The following ITGA11 variants were observed in gnomAD, a reference collection of about 807,000 sequenced individuals.
The protein encoded by ITGA11 is integrin alpha-11.
A neutral mutation model predicts 141.9 loss-of-function variants in ITGA11; 97 were observed. That is an observed-to-expected ratio of 0.68 (90% CI 0.58 to 0.81). The LOEUF is 0.81. ITGA11 is among the 30% of genes least tolerant of loss of function. The pLI, the probability that ITGA11 is intolerant of heterozygous loss-of-function variation, is 0.00. For missense variants in ITGA11, 1,387 were observed against 1,559.2 expected (o/e 0.89, Z 1.86); for synonymous variants, 658 against 624.6 (o/e 1.05, Z -0.80).
Position 68,351,402 on chromosome 15 carries a change from G to C in ITGA11, c.750C>G (p.Arg250=), listed in dbSNP as rs75281777. The C allele has an allele frequency of 7.2e-3, 11,655 of 1,613,706 alleles. 45 individuals carry two copies. Among genetic ancestry groups the C allele is most frequent in the Non-Finnish European group, 8.4e-3 (9,927 of 1,179,796 alleles). ...TRTAFGIEFA[R]SEAFQKGGRK... ...TTCCACCCTTCTGGAAAGCCTCTGA[G>C]CTGGAAGCCAAGCACAGGGGCAGGG... The change falls in exon 8 of 30, where the codon CGC becomes CGG. Residue 250 remains arginine, a splice_region_variant and synonymous_variant. Transcript: ENST00000315757.
At chr15:68,381,901 A>C (rs538573247) in intron 2 of ITGA11, among the ~76,000 whole-genome samples, 19 of 152,162 alleles carry the variant, frequency 1.2e-4, no homozygotes, top group Non-Finnish European at 2.6e-4. Flanking sequence ...AGAGAGGCGA[A>C]GTCACCCAGC....
intron 15 of ITGA11, among the ~76,000 whole-genome samples, chr15:68,330,551 T>C (rs574190068): frequency 6.6e-6 from 1 of 150,538 alleles, no homozygotes; most frequent in Non-Finnish European, 1.5e-5. Context: ...TTAGGAAGCA[T>C]GAAAATGAGG....
At chr15:68,382,259 C>T (rs1251592830) in intron 2 of ITGA11, among the ~76,000 whole-genome samples, 2 of 152,066 alleles carry the variant, frequency 1.3e-5, no homozygotes, top group Non-Finnish European at 2.9e-5. Context: ...ATCATTGGCT[C>T]GGCAGTTGGA....
intron 20 of ITGA11, among the ~76,000 whole-genome samples, chr15:68,318,533 T>C (rs1331906698): frequency 3.3e-5 from 5 of 151,754 alleles, no homozygotes; most frequent in African/African-American, 7.3e-5. Context: ...GGGAGTGGGA[T>C]TGGGGCCCAG....
Position 68,313,708 on chromosome 15 carries a change from C to T in ITGA11, c.2882+71G>A, listed in dbSNP as rs563717210. The stretch of plus-strand genomic sequence containing the variant: ...CCCTATTAGGGCCCATCAGAGGATG[C>T]CCCCCCTTAGGCCTCCCTCCTCCCA... On this transcript the variant is annotated intron_variant, in intron 23 of 29. Transcript: ENST00000315757. The T allele has an allele frequency of 1.4e-5, 16 of 1,174,692 alleles. No homozygotes were observed. The East Asian group carries it at 2.9e-4, about 22-fold the overall frequency. The allele number at this position is 1,174,692 out of a possible 1,614,324, so 72.8% of individuals were successfully genotyped here. A position where few individuals can be genotyped will look rare whatever the true frequency, so the allele number is the denominator to read the frequency against.
chr15:68,316,519 G>A (rs1290032431), intron 21 of ITGA11, among the ~76,000 whole-genome samples: 1 of 152,206 alleles, frequency 6.6e-6, no homozygotes, highest in East Asian at 1.9e-4. Context: ...CCACTCCAGA[G>A]CTCCTGGGTT....
intron 2 of ITGA11, among the ~76,000 whole-genome samples, chr15:68,388,718 T>G (rs1395919236): frequency 1.3e-5 from 2 of 152,184 alleles, no homozygotes; most frequent in Non-Finnish European, 1.5e-5. Context: ...TTTGCTCACC[T>G]AGACTTCTAC....
intron 1 of ITGA11, among the ~76,000 whole-genome samples, chr15:68,410,617 T>C (rs559333120): frequency 1.3e-5 from 2 of 152,244 alleles, no homozygotes; most frequent in Non-Finnish European, 2.9e-5. Flanking sequence ...CTGCCCCTTT[T>C]GCCCTGGCGA....
At chr15:68,313,474 T>C (rs1893462804) in intron 23 of ITGA11, among the ~76,000 whole-genome samples, 1 of 152,202 alleles carries the variant, frequency 6.6e-6, no homozygotes, top group African/African-American at 2.4e-5. Flanking sequence ...AGACCATGCA[T>C]CCACTTGTTG....
At position 68,339,494 on chromosome 15, in the gene ITGA11, T is replaced by A; in HGVS notation, c.1276+6A>T. 1.9e-6 allele frequency: 3 copies of A among 1,611,486 alleles called. 1 individual carries two copies. The highest frequency in any genetic ancestry group is 1.1e-5 in the South Asian group (1 of 90,492). ...CCGCCAGCCTCCCCTCACTCTGCGC[T>A]CTTACCCAGGTATGCACCATGGTTC... On this transcript the variant is annotated splice_donor_region_variant and intron_variant, in intron 11 of 29. Transcript: ENST00000315757.
At chr15:68,387,120 T>C (rs187396601) in intron 2 of ITGA11, among the ~76,000 whole-genome samples, 3 of 151,444 alleles carry the variant, frequency 2.0e-5, no homozygotes, top group African/African-American at 7.3e-5. Context: ...GGAACAGGGA[T>C]GGAAAAGTAG....
In ITGA11 at chr15:68,410,529, G is replaced by C. The variant is rs1317853841; in HGVS notation, c.53-7500C>G. 2.0e-5 allele frequency among the ~76,000 whole-genome samples: 3 copies of C among 151,050 alleles called. No individual in the cohort carries two copies. In the East Asian group the frequency reaches 5.8e-4, roughly 29 times the overall value. On this transcript the variant is annotated intron_variant, in intron 1 of 29. Transcript: ENST00000315757. Reference sequence around the variant, plus strand: ...GCAAAGTGAACCTCTTGCTGCTATGGGGGAAAAAAAACAACCCATTCAAAA... The same window carrying C: ...GCAAAGTGAACCTCTTGCTGCTATGCGGGAAAAAAAACAACCCATTCAAAA...
chr15:68,380,699 C>T (rs766798301), intron 2 of ITGA11, among the ~76,000 whole-genome samples: 3 of 152,124 alleles, frequency 2.0e-5, no homozygotes, highest in Non-Finnish European at 2.9e-5. Flanking sequence ...CGCATGGTGC[C>T]GGCGCTCATG....
intron 1 of ITGA11, among the ~76,000 whole-genome samples, chr15:68,415,034 C>T (rs757752660): frequency 6.6e-6 from 1 of 152,110 alleles, no homozygotes; most frequent in African/African-American, 2.4e-5. Flanking sequence ...TGCAAAAGAC[C>T]CCCCTGTTTT....
intron 15 of ITGA11, among the ~76,000 whole-genome samples, chr15:68,330,685 T>C (rs1894128006): frequency 6.6e-6 from 1 of 152,140 alleles, no homozygotes; most frequent in African/African-American, 2.4e-5. Flanking sequence ...CACGCTCAAC[T>C]TGCCCCTGCG....
At chr15:68,403,460 C>G (rs1054330651) in intron 1 of ITGA11, among the ~76,000 whole-genome samples, 10 of 152,028 alleles carry the variant, frequency 6.6e-5, no homozygotes, top group African/African-American at 1.9e-4. Flanking sequence ...GGGCCTCCCC[C>G]CTCTCTTTCT....
In ITGA11 at chr15:68,326,648, G is replaced by A. The variant is rs1473040044; in HGVS notation, c.2211+6C>T. 1 of 1,585,204 alleles carries A rather than the reference G, an allele frequency of 6.3e-7. No homozygotes were observed. Among genetic ancestry groups the A allele is most frequent in the South Asian group, 1.2e-5 (1 of 86,072 alleles). On this transcript the variant is annotated splice_donor_region_variant and intron_variant, in intron 17 of 29. Transcript: ENST00000315757. This position sits in a 1 kb window ranked among gnomAD's most constrained non-coding sequence, Gnocchi z 6.8. ...TTGGGCTCTGCTGGTGGGGCTGCCA[G>A]CTTACCAGGACATGGAAGTTGATCC... is the stretch of plus-strand genomic sequence containing the variant.
intron 2 of ITGA11, among the ~76,000 whole-genome samples, chr15:68,376,520 T>A (rs1895733329): frequency 6.6e-6 from 1 of 152,270 alleles, no homozygotes; most frequent in Non-Finnish European, 1.5e-5. Context: ...CAGAACAGCA[T>A]CTGGCACAGA....
intron 2 of ITGA11, among the ~76,000 whole-genome samples, chr15:68,377,130 G>A (rs878980840): frequency 6.6e-6 from 1 of 151,870 alleles, no homozygotes; most frequent in Non-Finnish European, 1.5e-5. Context: ...TACTTCTTTC[G>A]GTCATAAGAA....
Sources: allele counts gnomAD v4.1 joint callset (sites outside exome capture counted in the v4.1 genomes callset), GRCh38; gene constraint gnomAD v4.1.1; non-coding constraint Gnocchi (gnomAD v3.1); transcripts MANE v1.5; gene names NCBI Gene and HGNC (gene_info 2026-07-23, HGNC 2026-07-21).